The following ELOVL5 variants were observed in gnomAD, a reference collection of about 807,000 sequenced individuals.
The protein encoded by ELOVL5 is ELOVL fatty acid elongase 5.
A neutral mutation model predicts 38.6 loss-of-function variants in ELOVL5; 8 were observed. The observed-to-expected ratio is 0.21, with a 90% CI of 0.12 to 0.37. ELOVL5 has a LOEUF of 0.37. ELOVL5 is among the 10% of genes least tolerant of loss of function. The pLI is 1.00. For missense variants in ELOVL5, 280 were observed against 367.8 expected (o/e 0.76, Z 1.95); for synonymous variants, 127 against 133.7 (o/e 0.95, Z 0.34).
At chr6:53,328,079 T>TA (rs916483851) in intron 1 of ELOVL5, among the ~76,000 whole-genome samples, 13 of 151,888 alleles carry the variant, frequency 8.6e-5, no homozygotes, top group African/African-American at 2.9e-4. Context: ...ACCACACATA[T>TA]AAAAAAACAC....
chr6:53,340,080 A>G (rs1046896179), intron 1 of ELOVL5, among the ~76,000 whole-genome samples: 7 of 152,338 alleles, frequency 4.6e-5, no homozygotes, highest in Middle Eastern at 3.4e-3. Flanking sequence ...AAAAGCTTGA[A>G]GAATAAGGAT....
chr6:53,336,493 C>T (rs1769074536), intron 1 of ELOVL5, among the ~76,000 whole-genome samples: 1 of 152,188 alleles, frequency 6.6e-6, no homozygotes, highest in South Asian at 2.1e-4. Context: ...AACCTTGTCT[C>T]TACCAAAAAT....
chr6:53,326,792 CAG>C, intron 1 of ELOVL5, among the ~76,000 whole-genome samples: 1 of 152,196 alleles, frequency 6.6e-6, no homozygotes. Context: ...TACGGTGACT[CAG>C]CCATACCGGC....
chr6:53,287,757 G>A lies in ELOVL5; in HGVS notation c.246+4019C>T, dbSNP rs546568210. ...TGAGTAGAGCTCAGCATAACAGATCGGCTAAGAAAGGCCGGAGTGCCTCCT... is the reference window on the plus strand; with the variant it reads ...TGAGTAGAGCTCAGCATAACAGATCAGCTAAGAAAGGCCGGAGTGCCTCCT... On this transcript the variant is annotated intron_variant, in intron 3 of 7. Coordinates refer to ENST00000304434, the MANE Select transcript of ELOVL5 (RefSeq NM_021814.5). 9.1e-4 allele frequency: 863 copies of A among 952,002 alleles called. 2 individuals are homozygous for A. Among genetic ancestry groups the A allele is most frequent in the Non-Finnish European group, 1.3e-3 (787 of 619,174 alleles). The allele number at this position is 952,002 out of a possible 1,614,324, so 59.0% of individuals were successfully genotyped here.
intron 2 of ELOVL5, among the ~76,000 whole-genome samples, chr6:53,292,658 C>G (rs1766817782): frequency 6.6e-6 from 1 of 152,082 alleles, no homozygotes; most frequent in Admixed American, 6.6e-5. Context: ...AGGCATGGTG[C>G]TGCACACCTG....
intron 1 of ELOVL5, among the ~76,000 whole-genome samples, chr6:53,334,382 A>C (rs751677054): frequency 3.9e-5 from 6 of 152,148 alleles, no homozygotes; most frequent in Non-Finnish European, 7.4e-5. Flanking sequence ...TATGCAAGGG[A>C]GGGCCATATA....
chr6:53,286,279 T>TA (rs1766566514), intron 3 of ELOVL5, among the ~76,000 whole-genome samples: 1 of 152,150 alleles, frequency 6.6e-6, no homozygotes, highest in Non-Finnish European at 1.5e-5. Flanking sequence ...TAAACCCACA[T>TA]AGCTGGGCAC....
chr6:53,332,706 C>T (rs1209382246), intron 1 of ELOVL5, among the ~76,000 whole-genome samples: 2 of 152,340 alleles, frequency 1.3e-5, no homozygotes, highest in East Asian at 3.9e-4. Context: ...CAACTTGCCA[C>T]AACACACACT....
At chr6:53,305,310 C>G (rs1478573550) in intron 1 of ELOVL5, among the ~76,000 whole-genome samples, 1 of 126,752 alleles carries the variant, frequency 7.9e-6, no homozygotes, top group Non-Finnish European at 1.7e-5. Context: ...CCGGACAGGG[C>G]GGCTGGCCGG....
At chr6:53,291,991 T>A (rs750807470) in intron 2 of ELOVL5, 28 bp from the exon 3 acceptor site, 10 of 1,370,974 alleles carry the variant, frequency 7.3e-6, no homozygotes, top group Non-Finnish European at 9.8e-6. Context: ...ATTAATGATA[T>A]ATAAAAACAT....
At chr6:53,329,467 C>T (rs1430978398) in intron 1 of ELOVL5, among the ~76,000 whole-genome samples, 2 of 152,164 alleles carry the variant, frequency 1.3e-5, no homozygotes, top group Admixed American at 1.3e-4. Context: ...TTTAATAGCG[C>T]AAATCTTATC....
At chr6:53,307,606 C>T (rs1581961081) in intron 1 of ELOVL5, among the ~76,000 whole-genome samples, 1 of 152,184 alleles carries the variant, frequency 6.6e-6, no homozygotes, top group Admixed American at 6.5e-5. Flanking sequence ...GTGAAACATG[C>T]TCACATCCAT....
chr6:53,274,936 C>T (rs1416912159), intron 5 of ELOVL5, among the ~76,000 whole-genome samples, 154 bp downstream of exon 5: 5 of 152,330 alleles, frequency 3.3e-5, no homozygotes, highest in Admixed American at 6.5e-5. Context: ...GTTTTGTGTG[C>T]ATAGGTACAT....
At chr6:53,315,055 T>C (rs1358736669) in intron 1 of ELOVL5, among the ~76,000 whole-genome samples, 3 of 152,238 alleles carry the variant, frequency 2.0e-5, no homozygotes, top group Non-Finnish European at 4.4e-5. Flanking sequence ...TGTGCTGCTA[T>C]AAAGAAAATA....
chr6:53,280,082 G>A (rs1766295091), intron 3 of ELOVL5, among the ~76,000 whole-genome samples: 1 of 152,214 alleles, frequency 6.6e-6, no homozygotes, highest in African/African-American at 2.4e-5. Context: ...CCAAAGAGCT[G>A]TTTTGGTCAA....
intron 1 of ELOVL5, among the ~76,000 whole-genome samples, chr6:53,316,784 C>T (rs550164340): frequency 1.1e-4 from 16 of 151,466 alleles, no homozygotes; most frequent in Admixed American, 7.9e-4. Context: ...ATGGGGGCTG[C>T]GGGTGTGTGA....
intron 1 of ELOVL5, among the ~76,000 whole-genome samples, chr6:53,324,669 T>C (rs1768445554): frequency 7.1e-5 from 1 of 14,158 alleles, no homozygotes; most frequent in East Asian, 1.9e-3. Flanking sequence ...AGGGAGATCC[T>C]GTCAAAAAAA....
chr6:53,308,977 T>G (rs937852712), intron 1 of ELOVL5, among the ~76,000 whole-genome samples: 2 of 152,048 alleles, frequency 1.3e-5, no homozygotes, highest in Non-Finnish European at 2.9e-5. Context: ...AGTTCTCATA[T>G]TTTTCAAACA....
In ELOVL5 at chr6:53,291,966, G is replaced by A. The variant is rs1340308876; in HGVS notation, c.59-3C>T. On this transcript the variant is annotated splice_region_variant and splice_polypyrimidine_tract_variant and intron_variant, in intron 2 of 7. Coordinates refer to ENST00000304434, the MANE Select transcript of ELOVL5 (RefSeq NM_021814.5). ...AAACCATCCTTTTACTCTAGTATCTGAAAAATTAAAAAAAATTAATGATAT... is the reference window on the plus strand; with the variant it reads ...AAACCATCCTTTTACTCTAGTATCTAAAAAATTAAAAAAAATTAATGATAT... 1 of 1,466,508 alleles carries A rather than the reference G, an allele frequency of 6.8e-7. No individual in the cohort carries two copies. Among genetic ancestry groups the A allele is most frequent in the East Asian group, 2.4e-5 (1 of 41,332 alleles). 90.8% of individuals were successfully genotyped at this position (1,466,508 alleles called of 1,614,324 possible).
Sources: allele counts gnomAD v4.1 joint callset (sites outside exome capture counted in the v4.1 genomes callset), GRCh38; gene constraint gnomAD v4.1.1; transcripts MANE v1.5; gene names NCBI Gene and HGNC (gene_info 2026-07-23, HGNC 2026-07-21).